The following TENM2 variants were observed in gnomAD, a reference collection of about 807,000 sequenced individuals.
The protein encoded by TENM2 is teneurin-2.
A neutral mutation model predicts 245.2 loss-of-function variants in TENM2; 52 were observed. That is an observed-to-expected ratio of 0.21 (90% CI 0.17 to 0.27). The LOEUF (loss-of-function observed/expected upper bound fraction) is 0.27. Ranked by LOEUF, TENM2 falls within the 10% of genes least tolerant of loss-of-function variation. The pLI, the probability that TENM2 is intolerant of heterozygous loss-of-function variation, is 1.00. For synonymous variants in TENM2, 1,363 were observed against 1,438.9 expected (o/e 0.95, Z 1.19); for missense variants, 3,046 against 3,666.8 (o/e 0.83, Z 4.37).
the TENM2 span, among the ~76,000 whole-genome samples, chr5:167,202,842 C>T: frequency 1.3e-5 from 2 of 152,300 alleles, no homozygotes; most frequent in South Asian, 2.1e-4. Flanking sequence ...TTCCCTGTGT[C>T]CTTGCAGATC....
At chr5:168,047,689 A>G in intron 6 of TENM2, 140 bp downstream of exon 8, 1 of 1,043,140 alleles carries the variant, frequency 9.6e-7, no homozygotes, top group South Asian at 1.7e-5. Flanking sequence ...ATTGCCTTTC[A>G]TAGGTGCCCC....
Position 167,455,272 on chromosome 5 carries a change from A to G in TENM2, c.502+79799A>G, listed in dbSNP as rs539319874. 5.9e-5 allele frequency among the ~76,000 whole-genome samples: 9 copies of G among 152,356 alleles called. 1 individual carries two copies. In the South Asian group the frequency reaches 1.9e-3, roughly 32 times the overall value. On this transcript the variant is annotated intron_variant, in intron 2 of 28. Coordinates refer to ENST00000518659, the Ensembl canonical transcript of TENM2. ...ATACCTAAATAGTCAAACAACAAAT[A>G]TACAGTTCATCATTTGGATTTTGTT...
At chr5:167,750,113 C>T (rs536068742) in intron 2 of TENM2, among the ~76,000 whole-genome samples, 3 of 152,018 alleles carry the variant, frequency 2.0e-5, no homozygotes, top group Non-Finnish European at 4.4e-5. Context: ...TGGCCCACCT[C>T]GAGGATTCTA....
the TENM2 span, among the ~76,000 whole-genome samples, chr5:167,176,554 T>C: frequency 6.6e-6 from 1 of 152,272 alleles, no homozygotes; most frequent in Non-Finnish European, 1.5e-5. Context: ...CTTAGCAGGA[T>C]TGATCCTATG....
intron 2 of TENM2, among the ~76,000 whole-genome samples, chr5:167,811,531 C>T (rs963822036): frequency 4.6e-5 from 7 of 152,108 alleles, no homozygotes; most frequent in African/African-American, 1.7e-4. Context: ...CGATCTGCCA[C>T]TTAAACCTCT....
the TENM2 span, among the ~76,000 whole-genome samples, chr5:167,070,284 A>ATTTTTTTTTTTTTTTTTTTTTTTTT: frequency 1.1e-4 from 11 of 99,344 alleles, 1 homozygote; most frequent in African/African-American, 3.3e-4. Flanking sequence ...CGCCCGGCTA[A>ATTTTTTTTTTTTTTTTTTTTTTTTT]TTTTTTTTTT....
Position 167,375,449 on chromosome 5 carries a change from G to T in TENM2, c.478G>T (p.Glu160Ter). 6.4e-7 allele frequency: 1 copy of T among 1,551,672 alleles called. No individual in the cohort carries two copies. Among genetic ancestry groups the T allele is most frequent in the South Asian group, 1.2e-5 (1 of 84,050 alleles). The change falls in exon 2 of 29, where the codon GAA (glutamate) becomes TAA (stop). Residue 160 changes from glutamate to a stop codon, truncating the protein, a stop_gained. Coordinates refer to ENST00000518659, the Ensembl canonical transcript of TENM2. LOFTEE classifies it high-confidence loss of function. ...CCTTACCCTGACTGACTCTGACAAC[G>T]AAAACAAATCAGATGATGAGAACGG...
chr5:168,169,306 C>G (rs1279796008), intron 13 of TENM2, among the ~76,000 whole-genome samples: 1 of 152,212 alleles, frequency 6.6e-6, no homozygotes, highest in African/African-American at 2.4e-5. Flanking sequence ...ATGAAGCACT[C>G]CACTCTGGCT....
chr5:166,985,423 GA>G, the TENM2 span, among the ~76,000 whole-genome samples: 1 of 152,120 alleles, frequency 6.6e-6, no homozygotes. Flanking sequence ...TAACCCCACT[GA>G]AACTTCTTGA....
At chr5:167,900,146 T>TG (rs1554141095) in intron 3 of TENM2, among the ~76,000 whole-genome samples, 2 of 74,838 alleles carry the variant, frequency 2.7e-5, no homozygotes, top group Admixed American at 2.6e-4. Flanking sequence ...GGGGGGGGGT[T>TG]TTGGAAAGGA....
intron 23 of TENM2, among the ~76,000 whole-genome samples, chr5:168,225,318 C>T (rs1435069893): frequency 6.6e-6 from 1 of 152,208 alleles, no homozygotes; most frequent in East Asian, 1.9e-4. Flanking sequence ...CAGTAGAAGA[C>T]TCAGGGCATG....
the TENM2 span, among the ~76,000 whole-genome samples, chr5:167,272,400 G>C: frequency 6.6e-6 from 1 of 152,136 alleles, no homozygotes; most frequent in Admixed American, 6.6e-5. Flanking sequence ...CAATATTTAA[G>C]AAACAGGTTG....
At chr5:167,711,037 A>G (rs1758875638) in intron 2 of TENM2, among the ~76,000 whole-genome samples, 1 of 152,214 alleles carries the variant, frequency 6.6e-6, no homozygotes, top group Non-Finnish European at 1.5e-5. Flanking sequence ...CTGAATCCCC[A>G]GAGGCCTATG....
intron 17 of TENM2, among the ~76,000 whole-genome samples, chr5:168,200,524 G>T (rs1441268368): frequency 6.6e-6 from 1 of 152,172 alleles, no homozygotes; most frequent in Non-Finnish European, 1.5e-5. Flanking sequence ...AGCAGGGTGT[G>T]TTTGACAGAC....
chr5:167,697,517 T>A (rs1757843127), intron 2 of TENM2, among the ~76,000 whole-genome samples: 1 of 151,950 alleles, frequency 6.6e-6, no homozygotes, highest in Admixed American at 6.6e-5. Flanking sequence ...AATCCATATA[T>A]TTTGAATGAA....
chr5:167,335,748 A>G (rs1393272841), intron 1 of TENM2, among the ~76,000 whole-genome samples: 1 of 152,140 alleles, frequency 6.6e-6, no homozygotes. Context: ...TATTTCCACC[A>G]TCTTATCCAA....
At chr5:167,055,303 T>C in the TENM2 span, among the ~76,000 whole-genome samples, 1 of 152,134 alleles carries the variant, frequency 6.6e-6, no homozygotes. Flanking sequence ...CTACTATCCT[T>C]GCTCCATTGT....
At chr5:167,939,399 C>T (rs755659207) in intron 3 of TENM2, among the ~76,000 whole-genome samples, 2 of 152,190 alleles carry the variant, frequency 1.3e-5, no homozygotes, top group Non-Finnish European at 2.9e-5. Context: ...CTGCTCACCT[C>T]CTACTATGCT....
the TENM2 span, among the ~76,000 whole-genome samples, chr5:167,096,462 A>G: frequency 1.3e-5 from 2 of 152,144 alleles, no homozygotes; most frequent in African/African-American, 4.8e-5. Flanking sequence ...CCCTTACCAC[A>G]TACCTTCTGA....
Sources: gnomAD v4.1 joint callset for allele counts (sites outside exome capture counted in the v4.1 genomes callset) on GRCh38, gnomAD v4.1.1 for gene constraint, MANE v1.5 for transcripts, NCBI Gene and HGNC (gene_info 2026-07-23, HGNC 2026-07-21) for gene names.